The following SLC8A1 variants were observed in gnomAD, a reference collection of about 807,000 sequenced individuals.
The protein encoded by SLC8A1 is sodium/calcium exchanger 1.
A neutral mutation model predicts 68.3 loss-of-function variants in SLC8A1; 18 were observed. The ratio of observed to expected loss-of-function variants is 0.26; its 90% confidence interval spans 0.18 to 0.39. The LOEUF is 0.39. SLC8A1 is among the 10% of genes least tolerant of loss of function. SLC8A1 has a pLI of 1.00. For synonymous variants in SLC8A1, 475 were observed against 415.5 expected (o/e 1.14, Z -1.74); for missense variants, 985 against 1,156.7 (o/e 0.85, Z 2.15).
intron 2 of SLC8A1, among the ~76,000 whole-genome samples, chr2:40,282,163 T>C (rs1476781533): frequency 1.3e-5 from 2 of 152,126 alleles, no homozygotes; most frequent in Non-Finnish European, 2.9e-5. Context: ...TTCTAGGACA[T>C]GTATGTTTCT....
At chr2:40,129,344 T>A (rs1452595398) in intron 7 of SLC8A1, among the ~76,000 whole-genome samples, 1 of 151,598 alleles carries the variant, frequency 6.6e-6, no homozygotes, top group Admixed American at 6.6e-5. Context: ...GATCCTCCCA[T>A]CTCAGCCTCC....
At chr2:40,245,207 G>A (rs1446376730) in intron 2 of SLC8A1, among the ~76,000 whole-genome samples, 3 of 114,440 alleles carry the variant, frequency 2.6e-5, no homozygotes, top group Non-Finnish European at 5.3e-5. Context: ...GAGAAACTTG[G>A]GATTCTGTGA....
At chr2:40,306,248 C>T (rs902270996) in intron 2 of SLC8A1, among the ~76,000 whole-genome samples, 3 of 152,188 alleles carry the variant, frequency 2.0e-5, no homozygotes, top group African/African-American at 7.2e-5. Context: ...CTCTAAATCT[C>T]AGCCCCAAAT....
exon 8 of SLC8A1, chr2:40,113,093 GT>G (rs2034769473): frequency 6.6e-6 from 1 of 152,388 alleles, no homozygotes; most frequent in African/African-American, 2.4e-5. Flanking sequence ...GATCTAGACT[GT>G]TTTGTTCATG....
intron 1 of SLC8A1, among the ~76,000 whole-genome samples, chr2:40,473,013 GGAGGGTAACCTGA>G (rs1704078894): frequency 6.6e-6 from 1 of 151,606 alleles, no homozygotes; most frequent in African/African-American, 2.4e-5. Flanking sequence ...TTGGAAGTCA[GGAGGGTAACCTGA>G]GAGCAGCGCT....
intron 7 of SLC8A1, among the ~76,000 whole-genome samples, chr2:40,137,718 G>C (rs1162127811): frequency 6.6e-6 from 1 of 152,144 alleles, no homozygotes; most frequent in Non-Finnish European, 1.5e-5. Context: ...CTGGAACGTA[G>C]TTGGGATTGA....
At chr2:40,415,216 A>C (rs540506031) in intron 2 of SLC8A1, among the ~76,000 whole-genome samples, 10 of 152,254 alleles carry the variant, frequency 6.6e-5, no homozygotes, top group Admixed American at 2.0e-4. Context: ...AGGGCTGGAG[A>C]GGTGGTGATG....
At chr2:40,339,502 C>A (rs952092316) in intron 2 of SLC8A1, among the ~76,000 whole-genome samples, 2 of 152,154 alleles carry the variant, frequency 1.3e-5, no homozygotes, top group African/African-American at 2.4e-5. Flanking sequence ...GTTCTAGAAA[C>A]ATATATTCTA....
At chr2:40,496,317 G>T (rs35537386) in intron 1 of SLC8A1, among the ~76,000 whole-genome samples, 10,194 of 152,152 alleles carry the variant, frequency 0.067, 802 homozygotes, top group East Asian at 0.39. Flanking sequence ...CAGTGCCTGA[G>T]GTTATCTGAT....
At chr2:40,254,300 C>T (rs1272445649) in intron 2 of SLC8A1, 1 of 150,056 alleles carries the variant, frequency 6.7e-6, no homozygotes, top group Admixed American at 6.6e-5. Flanking sequence ...AATGCCACAC[C>T]TTGTGAGACA....
intron 2 of SLC8A1, among the ~76,000 whole-genome samples, chr2:40,221,204 C>G (rs573978804): frequency 4.6e-5 from 7 of 152,102 alleles, no homozygotes; most frequent in Admixed American, 3.3e-4. Flanking sequence ...AGCTTCATCC[C>G]TGGGATGCAA....
intron 2 of SLC8A1, among the ~76,000 whole-genome samples, chr2:40,364,090 A>AT (rs2149486350): frequency 6.6e-6 from 1 of 152,230 alleles, no homozygotes; most frequent in East Asian, 1.9e-4. Flanking sequence ...TTTTCTTTCA[A>AT]TAGGATAGTA....
chr2:40,104,494 T>G (rs1430501146), exon 8 of SLC8A1: 1 of 152,198 alleles, frequency 6.6e-6, no homozygotes, highest in Non-Finnish European at 1.5e-5. Context: ...AGAAAATTAA[T>G]ATTTCTATTT....
At chr2:40,375,242 G>A (rs1482201404) in intron 2 of SLC8A1, among the ~76,000 whole-genome samples, 1 of 151,966 alleles carries the variant, frequency 6.6e-6, no homozygotes, top group African/African-American at 2.4e-5. Context: ...CCTAAGAACA[G>A]CATAAACACA....
intron 2 of SLC8A1, chr2:40,213,584 A>T (rs1558781543): frequency 6.6e-6 from 1 of 152,212 alleles, no homozygotes; most frequent in Non-Finnish European, 1.5e-5. Flanking sequence ...GTACTTAACC[A>T]AAGTCCCTTC....
At chr2:40,291,313 A>C (rs991937123) in intron 2 of SLC8A1, among the ~76,000 whole-genome samples, 1 of 152,192 alleles carries the variant, frequency 6.6e-6, no homozygotes, top group Non-Finnish European at 1.5e-5. Context: ...TATGGAAGTC[A>C]CTGGTATGAT....
chr2:40,476,599 G>A (rs945158579), intron 1 of SLC8A1, among the ~76,000 whole-genome samples: 2 of 152,212 alleles, frequency 1.3e-5, no homozygotes, highest in African/African-American at 4.8e-5. Context: ...TATGGGACAA[G>A]ATTAGTCTGG....
At chr2:40,283,607 A>G (rs1364003812) in intron 2 of SLC8A1, among the ~76,000 whole-genome samples, 1 of 152,196 alleles carries the variant, frequency 6.6e-6, no homozygotes, top group Non-Finnish European at 1.5e-5. Flanking sequence ...GCAAAGCACA[A>G]AGAGGAAAAA....
At chr2:40,312,470 A>G (rs943222382) in intron 2 of SLC8A1, among the ~76,000 whole-genome samples, 17 of 152,234 alleles carry the variant, frequency 1.1e-4, no homozygotes, top group Admixed American at 6.5e-4. Flanking sequence ...TTTTCTATTC[A>G]GTATTTGACT....
Sources: gnomAD v4.1 joint callset for allele counts (sites outside exome capture counted in the v4.1 genomes callset) on GRCh38, gnomAD v4.1.1 for gene constraint, MANE v1.5 for transcripts, NCBI Gene and HGNC (gene_info 2026-07-23, HGNC 2026-07-21) for gene names.